ZNF804A: variants seen among roughly 807,000 people sequenced by gnomAD.
ZNF804A encodes zinc finger protein 804A.
Under a neutral mutation model 16.5 loss-of-function variants are expected in ZNF804A, and 2 were observed. The observed-to-expected ratio is 0.12, with a 90% confidence interval of 0.05 to 0.38. The LOEUF (loss-of-function observed/expected upper bound fraction) is 0.38. Ranked by LOEUF, ZNF804A falls within the 10% of genes least tolerant of loss-of-function variation. The pLI is 0.99. For missense variants in ZNF804A, 1,473 were observed against 1,390.7 expected (o/e 1.06, Z -0.94); for synonymous variants, 534 against 489.6 (o/e 1.09, Z -1.20).
intron 1 of ZNF804A, among the ~76,000 whole-genome samples, chr2:184,671,837 T>G (rs181724512): frequency 1.8e-4 from 28 of 152,340 alleles, no homozygotes; most frequent in African/African-American, 6.5e-4. Flanking sequence ...TTCAGTCCAA[T>G]GAAATGTTTA....
chr2:184,804,427 A>C (rs1167612706), intron 1 of ZNF804A, among the ~76,000 whole-genome samples: 2 of 152,206 alleles, frequency 1.3e-5, no homozygotes, highest in Non-Finnish European at 2.9e-5. Context: ...CTGCTACTCA[A>C]AATCTGGTCT....
At chr2:184,804,300 T>C (rs954682885) in intron 1 of ZNF804A, among the ~76,000 whole-genome samples, 2 of 152,174 alleles carry the variant, frequency 1.3e-5, no homozygotes, top group African/African-American at 4.8e-5. Flanking sequence ...CATTCAGAGG[T>C]CCTGGATAGG....
At chr2:184,920,828 T>C (rs1032521733) in intron 2 of ZNF804A, among the ~76,000 whole-genome samples, 9 of 152,170 alleles carry the variant, frequency 5.9e-5, no homozygotes, top group African/African-American at 2.2e-4. Flanking sequence ...GGAAATGAAT[T>C]CCACCAATAG....
chr2:184,659,926 T>C (rs1441581666), intron 1 of ZNF804A, among the ~76,000 whole-genome samples: 1 of 152,192 alleles, frequency 6.6e-6, no homozygotes, highest in Non-Finnish European at 1.5e-5. Flanking sequence ...GGGGGAAATG[T>C]GTCAATTTCA....
intron 1 of ZNF804A, among the ~76,000 whole-genome samples, chr2:184,682,316 C>T (rs903954419): frequency 2.6e-5 from 4 of 152,110 alleles, no homozygotes; most frequent in Admixed American, 1.3e-4. Flanking sequence ...GACCCCATTA[C>T]GTTATGGTTG....
rs537836683 is a variant in ZNF804A, at chr2:184,790,708, A to T, written c.112-75661A>T. On this transcript the variant is annotated intron_variant, in intron 1 of 3. Transcript: ENST00000302277. ...AAGCTCCCCCTCCTAGGTTCACGCC[A>T]TTCTCCTGCCTCAGCCTCCAGAGCA... Among the ~76,000 whole-genome samples, 1,493 of 152,032 alleles carry T rather than the reference A, an allele frequency of 9.8e-3. 12 individuals are homozygous for T. The highest frequency in any genetic ancestry group is 0.017 in the Non-Finnish European group (1,168 of 67,954).
At position 184,938,470 on chromosome 2, in the gene ZNF804A, C is replaced by A. The variant is rs755880000; in HGVS notation, c.3074C>A (p.Ala1025Asp). The A allele has an allele frequency of 6.2e-7, 1 of 1,614,060 alleles. No homozygotes were observed. The highest frequency in any genetic ancestry group is 8.5e-7 in the Non-Finnish European group (1 of 1,180,002). ...TTTGTAACAGCTGAGCAAATCCTGGCTCCATTAGCTTTACCAGAGCAAGCA... is the reference window on the plus strand; with the variant it reads ...TTTGTAACAGCTGAGCAAATCCTGGATCCATTAGCTTTACCAGAGCAAGCA... ...HTFVTAEQIL[A>D]PLALPEQALL... Residue 1025 changes from alanine to aspartate, a missense_variant, in exon 4 of 4, where the codon GCT becomes GAT. Ala to Asp is a moderately radical substitution (Grantham distance 126). Coordinates refer to ENST00000302277, the MANE Select transcript of ZNF804A (RefSeq NM_194250.2).
chr2:184,686,914 T>C (rs972271749), intron 1 of ZNF804A, among the ~76,000 whole-genome samples: 5 of 152,240 alleles, frequency 3.3e-5, no homozygotes, highest in Admixed American at 1.3e-4. Flanking sequence ...ATGTCTCTTA[T>C]AGATTCTGGA....
rs540024300 is a variant in ZNF804A, at chr2:184,746,102, A to G, written c.112-120267A>G. Among the ~76,000 whole-genome samples the G allele has an allele frequency of 2.0e-5, 3 of 151,580 alleles. No individual in the cohort carries two copies. In the Admixed American group the frequency reaches 2.0e-4, roughly 10 times the overall value. On this transcript the variant is annotated intron_variant, in intron 1 of 3. Coordinates refer to ENST00000302277, the MANE Select transcript of ZNF804A (RefSeq NM_194250.2). ...AATGTTTACTGAAACATAATATTTG[A>G]TAAAATACATACACACATATTTGAT...
At chr2:184,724,670 G>A (rs7569699) in intron 1 of ZNF804A, among the ~76,000 whole-genome samples, 50,787 of 151,422 alleles carry the variant, frequency 0.34, 11,858 homozygotes, top group African/African-American at 0.67. Flanking sequence ...GATTCTATAA[G>A]TATGAATAAG....
At position 184,939,337 on chromosome 2, in the gene ZNF804A, G is replaced by T. The variant is rs1192865700; in HGVS notation, c.*311G>T. 3.6e-5 allele frequency: 7 copies of T among 193,032 alleles called. No individual in the cohort carries two copies. The highest frequency in any genetic ancestry group is 2.0e-3 in the Middle Eastern group (1 of 502). 12.0% of individuals were successfully genotyped at this position (193,032 alleles called of 1,614,324 possible). Reference sequence around the variant, plus strand: ...ATAGTACTCTAATTTATGTTGTAAAGTATGCTCCCTTGGTTTTTCTTAATC... The same window carrying T: ...ATAGTACTCTAATTTATGTTGTAAATTATGCTCCCTTGGTTTTTCTTAATC... On this transcript the variant is annotated 3_prime_UTR_variant, in exon 4 of 4. Transcript: ENST00000302277.
intron 1 of ZNF804A, among the ~76,000 whole-genome samples, chr2:184,662,142 C>T (rs1692184460): frequency 6.6e-6 from 1 of 152,056 alleles, no homozygotes; most frequent in African/African-American, 2.4e-5. Flanking sequence ...TACCAAAAAT[C>T]CAGGGAATGT....
intron 1 of ZNF804A, among the ~76,000 whole-genome samples, chr2:184,627,971 G>A (rs577701654): frequency 3.9e-5 from 6 of 152,298 alleles, no homozygotes; most frequent in Non-Finnish European, 7.4e-5. Flanking sequence ...ATGTATAACT[G>A]TCACAGGCAA....
At chr2:184,848,524 G>C (rs1695556070) in intron 1 of ZNF804A, among the ~76,000 whole-genome samples, 1 of 152,050 alleles carries the variant, frequency 6.6e-6, no homozygotes, top group Non-Finnish European at 1.5e-5. Flanking sequence ...AACAGAAGTA[G>C]AGAAAATAGC....
chr2:184,724,436 T>C (rs1693370418), intron 1 of ZNF804A, among the ~76,000 whole-genome samples: 1 of 150,490 alleles, frequency 6.6e-6, no homozygotes, highest in South Asian at 2.1e-4. Flanking sequence ...GGATGTGATA[T>C]GATTATCTAA....
At chr2:184,625,821 G>T (rs2105683030) in intron 1 of ZNF804A, among the ~76,000 whole-genome samples, 1 of 152,124 alleles carries the variant, frequency 6.6e-6, no homozygotes, top group African/African-American at 2.4e-5. Flanking sequence ...ATTTTATACA[G>T]CTAAACACCA....
At chr2:184,650,898 A>G (rs982348607) in intron 1 of ZNF804A, among the ~76,000 whole-genome samples, 18 of 152,168 alleles carry the variant, frequency 1.2e-4, no homozygotes, top group Non-Finnish European at 2.2e-4. Flanking sequence ...TGCTTTTCTT[A>G]TCAAACTACT....
At chr2:184,921,065 C>G (rs1685521605) in intron 2 of ZNF804A, among the ~76,000 whole-genome samples, 1 of 152,136 alleles carries the variant, frequency 6.6e-6, no homozygotes, top group Non-Finnish European at 1.5e-5. Flanking sequence ...CGGAGTTTTA[C>G]CATATTGGCC....
chr2:184,771,750 G>T (rs1694218399), intron 1 of ZNF804A, among the ~76,000 whole-genome samples: 2 of 151,982 alleles, frequency 1.3e-5, no homozygotes, highest in South Asian at 4.1e-4. Flanking sequence ...GCAGCTCCTG[G>T]CATGTGGACA....
Sources: allele counts gnomAD v4.1 joint callset (sites outside exome capture counted in the v4.1 genomes callset), GRCh38; gene constraint gnomAD v4.1.1; transcripts MANE v1.5; gene names NCBI Gene and HGNC (gene_info 2026-07-23, HGNC 2026-07-21).